The following MGAM2 variants were observed in gnomAD, a reference collection of about 807,000 sequenced individuals.
MGAM2 encodes probable maltase-glucoamylase 2.
In MGAM2, 98 loss-of-function variants were observed where a neutral mutation model predicts 96.1. That is an observed-to-expected ratio of 1.02 (90% CI 0.87 to 1.21). MGAM2 has a LOEUF of 1.21. Ranked by LOEUF, MGAM2 falls within the 50% of genes most tolerant of loss-of-function variation. The pLI is 0.00. For missense variants in MGAM2, 2,055 were observed against 1,182.4 expected (o/e 1.74, Z -10.82); for synonymous variants, 749 against 414.8 (o/e 1.81, Z -9.79).
Position 142,221,674 on chromosome 7 carries a change from C to T in MGAM2, c.7163C>T (p.Ala2388Val). 1 of 437,850 alleles carries T rather than the reference C, an allele frequency of 2.3e-6. No homozygotes were observed. The highest frequency in any genetic ancestry group is 4.0e-6 in the Non-Finnish European group (1 of 249,198). The allele number at this position is 437,850 out of a possible 1,614,324, so 27.1% of individuals were successfully genotyped here. The change falls in exon 48 of 48, where the codon GCT becomes GTT. Residue 2388 changes from alanine to valine, a missense_variant. Physicochemically the swap from Ala to Val is moderately conservative, Grantham distance 64. Transcript: ENST00000477922. The stretch of plus-strand genomic sequence containing the variant: ...TTCACCACACACATCACACAGTTCG[C>T]TACTCCCCATTCTGCTACTACTACA... Reference protein sequence around the residue: ...DKFTTHITQFATPHSATTTTL... With the variant: ...DKFTTHITQFVTPHSATTTTL...
At chr7:142,180,980 T>C (rs1434020612) in intron 32 of MGAM2, among the ~76,000 whole-genome samples, 1 of 152,188 alleles carries the variant, frequency 6.6e-6, no homozygotes, top group Non-Finnish European at 1.5e-5. Context: ...GTTTCAACAT[T>C]CTCCTGAATC....
chr7:142,204,593 C>G (rs1346067307), intron 45 of MGAM2, among the ~76,000 whole-genome samples: 1 of 151,922 alleles, frequency 6.6e-6, no homozygotes, highest in Non-Finnish European at 1.5e-5. Flanking sequence ...TCTTTAGTAT[C>G]TACAACATAC....
intron 37 of MGAM2, among the ~76,000 whole-genome samples, chr7:142,194,003 A>C (rs116700944): frequency 7.9e-5 from 12 of 151,068 alleles, no homozygotes; most frequent in African/African-American, 2.9e-4. Flanking sequence ...CTCTCCCTTA[A>C]ACCTGTCCTC....
intron 1 of MGAM2, among the ~76,000 whole-genome samples, chr7:142,113,536 T>A (rs940395450): frequency 4.6e-5 from 7 of 151,446 alleles, no homozygotes; most frequent in South Asian, 4.2e-4. Context: ...GTTTTTTTTT[T>A]ATAATGTGAT....
chr7:142,195,310 A>G (rs1796997811), intron 37 of MGAM2, among the ~76,000 whole-genome samples: 1 of 135,874 alleles, frequency 7.4e-6, no homozygotes, highest in Non-Finnish European at 1.5e-5. Flanking sequence ...CTGGGATTAC[A>G]TGTGTGAGTT....
intron 46 of MGAM2, among the ~76,000 whole-genome samples, chr7:142,210,155 A>G (rs1055947704): frequency 2.6e-5 from 4 of 152,168 alleles, no homozygotes; most frequent in Non-Finnish European, 5.9e-5. Flanking sequence ...GGACAGTGCT[A>G]TCTGGCCCAG....
intron 30 of MGAM2, among the ~76,000 whole-genome samples, 158 bp downstream of exon 30, chr7:142,172,922 T>C (rs1796242507): frequency 6.6e-6 from 1 of 152,256 alleles, no homozygotes; most frequent in African/African-American, 2.4e-5. Context: ...ATTATGGTTC[T>C]ATAAAGCCAT....
chr7:142,113,883 G>A (rs1200251206), intron 1 of MGAM2, among the ~76,000 whole-genome samples: 2 of 152,064 alleles, frequency 1.3e-5, no homozygotes, highest in Non-Finnish European at 2.9e-5. Flanking sequence ...GGTAATCCTA[G>A]CATTTTGGGA....
intron 17 of MGAM2, 119 bp downstream of exon 17, chr7:142,154,964 A>C: frequency 1.6e-6 from 1 of 637,970 alleles, no homozygotes; most frequent in South Asian, 1.8e-5. Context: ...AAGGATAAAA[A>C]AGTCTTGTAT....
At chr7:142,131,412 G>A in intron 4 of MGAM2, 106 bp from the exon 5 acceptor site, 1 of 636,816 alleles carries the variant, frequency 1.6e-6, no homozygotes, top group East Asian at 2.7e-5. Context: ...ACTCCAGCCT[G>A]GGCCACAGGG....
chr7:142,208,391 A>G, intron 45 of MGAM2, 182 bp from the exon 46 acceptor site: 1 of 658,524 alleles, frequency 1.5e-6, no homozygotes. Context: ...GCATTTGCAC[A>G]TCCCCACACT....
At chr7:142,195,731 C>G (rs541957139) in intron 37 of MGAM2, among the ~76,000 whole-genome samples, 3 of 152,156 alleles carry the variant, frequency 2.0e-5, no homozygotes, top group African/African-American at 7.2e-5. Context: ...TATTTTCAGG[C>G]GAATGCCTTT....
At chr7:142,206,002 A>G (rs1196364132) in intron 45 of MGAM2, among the ~76,000 whole-genome samples, 1 of 152,042 alleles carries the variant, frequency 6.6e-6, no homozygotes, top group Non-Finnish European at 1.5e-5. Context: ...TTTCTTTTGT[A>G]TGTGGATTAC....
intron 44 of MGAM2, among the ~76,000 whole-genome samples, chr7:142,199,230 A>G (rs1563290826): frequency 6.6e-6 from 1 of 152,244 alleles, no homozygotes; most frequent in Non-Finnish European, 1.5e-5. Flanking sequence ...TTATAAAATC[A>G]TTGATTAAAC....
Position 142,196,686 on chromosome 7 carries a change from A to G in MGAM2, c.4516-14A>G, listed in dbSNP as rs1340756734. On this transcript the variant is annotated splice_polypyrimidine_tract_variant and intron_variant, in intron 39 of 47. Coordinates refer to ENST00000477922, the MANE Select transcript of MGAM2 (RefSeq NM_001293626.2). ...GAAATTCCCACCTCATGCTCTCATT[A>G]TGCATCTTCTCAGACAGGAGCAGAT... 1.3e-6 allele frequency: 1 copy of G among 778,154 alleles called. No individual in the cohort carries two copies. Among genetic ancestry groups the G allele is most frequent in the Admixed American group, 1.7e-5 (1 of 58,108 alleles). 48.2% of individuals were successfully genotyped at this position (778,154 alleles called of 1,614,324 possible). A position where few individuals can be genotyped will look rare whatever the true frequency, so the allele number is the denominator to read the frequency against.
chr7:142,179,989 C>CT lies in MGAM2; in HGVS notation c.3817-3269dup, dbSNP rs374821345. Reference sequence around the variant, plus strand: ...TATTATGAATCCATTTGGTTAAGGACTTTTTTTTGGTTGGTGGGCTTTTTA... The same window carrying CT: ...TATTATGAATCCATTTGGTTAAGGACTTTTTTTTTGGTTGGTGGGCTTTTTA... On this transcript the variant is annotated intron_variant, in intron 32 of 47. Transcript: ENST00000477922. Among the ~76,000 whole-genome samples the CT allele has an allele frequency of 7.3e-3, 1,108 of 151,636 alleles. 14 individuals are homozygous for CT. Among genetic ancestry groups the CT allele is most frequent in the African/African-American group, 0.025 (1,053 of 41,374 alleles).
chr7:142,153,796 G>T (rs1229620114), intron 15 of MGAM2, among the ~76,000 whole-genome samples: 1 of 152,182 alleles, frequency 6.6e-6, no homozygotes, highest in Non-Finnish European at 1.5e-5. Flanking sequence ...TTGCTATGGG[G>T]GCTAGAATAT....
intron 8 of MGAM2, among the ~76,000 whole-genome samples, chr7:142,137,228 AAC>A (rs1795085051): frequency 2.0e-5 from 3 of 152,002 alleles, no homozygotes; most frequent in African/African-American, 4.8e-5. Flanking sequence ...AAAAAAAAAA[AAC>A]AAAACTCAAT....
chr7:142,147,311 A>G (rs1795416262), intron 14 of MGAM2, 145 bp from the exon 15 acceptor site: 2 of 552,160 alleles, frequency 3.6e-6, no homozygotes, highest in African/African-American at 3.8e-5. Context: ...AATAGCATTT[A>G]GGATAGAATT....
Sources: gnomAD v4.1 joint callset for allele counts (sites outside exome capture counted in the v4.1 genomes callset) on GRCh38, gnomAD v4.1.1 for gene constraint, MANE v1.5 for transcripts, NCBI Gene and HGNC (gene_info 2026-07-23, HGNC 2026-07-21) for gene names.